TNRC18: variants seen among roughly 807,000 people sequenced by gnomAD.
The protein encoded by TNRC18 is trinucleotide repeat containing 18.
TNRC18 carries 69 observed loss-of-function variants against 226.7 expected under a neutral mutation model. The ratio of observed to expected loss-of-function variants is 0.30; its 90% CI spans 0.25 to 0.37. The LOEUF is 0.37. Ranked by LOEUF, TNRC18 falls within the 10% of genes least tolerant of loss-of-function variation. TNRC18 has a pLI of 1.00. For synonymous variants in TNRC18, 2,449 were observed against 1,927.6 expected (o/e 1.27, Z -7.09); for missense variants, 4,754 against 4,256.6 (o/e 1.12, Z -3.25).
In TNRC18 at chr7:5,324,573, C is replaced by T. The variant is rs568473470; in HGVS notation, c.6301-218G>A. Among the ~76,000 whole-genome samples the T allele has an allele frequency of 1.3e-5, 2 of 152,338 alleles. No individual in the cohort carries two copies. The highest frequency in any genetic ancestry group is 3.9e-4 in the East Asian group (2 of 5,192). On this transcript the variant is annotated intron_variant, in intron 20 of 29. Coordinates refer to ENST00000430969, the MANE Select transcript of TNRC18 (RefSeq NM_001080495.3). The surrounding 1 kb of genome is among the most constrained non-coding windows in gnomAD (Gnocchi z 4.8). ...CATGCTCAGTACTCGGTGCTCAATA[C>T]TCAGTACTCTGTGCTCAGTATCAGC...
In TNRC18 at chr7:5,313,100, G is replaced by A. The variant is rs114222264; in HGVS notation, c.7791C>T (p.Thr2597=). 6.4e-3 allele frequency: 8,940 copies of A among 1,392,836 alleles called. 442 individuals carry two copies. The African/African-American group carries it at 0.11, about 17-fold the overall frequency. The allele number at this position is 1,392,836 out of a possible 1,614,324, so 86.3% of individuals were successfully genotyped here. Residue 2597 remains threonine, a synonymous_variant, in exon 27 of 30, where the codon ACC becomes ACT. Coordinates refer to ENST00000430969, the MANE Select transcript of TNRC18 (RefSeq NM_001080495.3). The part of the protein sequence containing the change: ...GDKNGDGGCG[T]GGRNCSAASS... ...TGGCAGCGCTGCAGTTACGGCCCCC[G>A]GTGCCGCAGCCCCCGTCCCCGTTCT...
chr7:5,308,826 G>C, intron 29 of TNRC18, 49 bp downstream of exon 29: 2 of 1,536,454 alleles, frequency 1.3e-6, no homozygotes, highest in Non-Finnish European at 1.8e-6. Context: ...CTGCCCGGAA[G>C]GAAGCAGCCA....
chr7:5,374,584 G>C, intron 9 of TNRC18, 100 bp from the exon 10 acceptor site: 1 of 1,273,752 alleles, frequency 7.9e-7, no homozygotes, highest in Non-Finnish European at 1.0e-6. Flanking sequence ...AGTCCGAGGA[G>C]AACCTCATGC....
chr7:5,359,579 A>G lies in TNRC18; in HGVS notation c.4662-10T>C. 2 of 1,613,446 alleles carry G rather than the reference A, an allele frequency of 1.2e-6. No individual in the cohort carries two copies. Among genetic ancestry groups the G allele is most frequent in the African/African-American group, 2.7e-5 (2 of 75,020 alleles). ...AGACTTGCTGCTCAGCCTGAAACGC[A>G]GACACACTGCCGGTCAGCACCCTGG... is the stretch of plus-strand genomic sequence containing the variant. On this transcript the variant is annotated splice_polypyrimidine_tract_variant and intron_variant, in intron 14 of 29. Transcript: ENST00000430969.
intron 18 of TNRC18, among the ~76,000 whole-genome samples, chr7:5,339,042 A>G (rs1387936189): frequency 6.6e-6 from 1 of 151,638 alleles, no homozygotes; most frequent in Non-Finnish European, 1.5e-5. Flanking sequence ...TCACACCTGT[A>G]GTCCCAGCAC....
Position 5,389,089 on chromosome 7 carries a change from C to G in TNRC18, c.735G>C (p.Ala245=), listed in dbSNP as rs1331439499. 4.6e-6 allele frequency: 6 copies of G among 1,291,488 alleles called. No homozygotes were observed. Among genetic ancestry groups the G allele is most frequent in the Non-Finnish European group, 5.9e-6 (6 of 1,014,440 alleles). The allele number at this position is 1,291,488 out of a possible 1,614,324, so 80.0% of individuals were successfully genotyped here. ...CCCGGTCCTGGCGGCCCTCGGCGCG[C>G]GCCTCCTGGGTCAGGTCCACCACGC... The part of the protein sequence containing the change: ...PRGVVDLTQE[A]RAEGRQDRGP... The change falls in exon 5 of 30, where the codon GCG becomes GCC. Residue 245 remains alanine, a synonymous_variant. Coordinates refer to ENST00000430969, the MANE Select transcript of TNRC18 (RefSeq NM_001080495.3).
intron 17 of TNRC18, among the ~76,000 whole-genome samples, chr7:5,348,079 C>T (rs570192713): frequency 6.6e-5 from 10 of 152,332 alleles, no homozygotes; most frequent in East Asian, 5.8e-4. Flanking sequence ...CTGCAGTCCC[C>T]GGAGCCCAGC....
At position 5,381,747 on chromosome 7, in the gene TNRC18, C is replaced by A. The variant is rs10258325; in HGVS notation, c.2153-3723G>T. On this transcript the variant is annotated intron_variant, in intron 5 of 29. Coordinates refer to ENST00000430969, the MANE Select transcript of TNRC18 (RefSeq NM_001080495.3). The stretch of plus-strand genomic sequence containing the variant: ...TTGGGAGGCCAAGGTGGGCAGACCA[C>A]CCAAGGTCAGGAGTTCAAGACCAGC... 3.3e-3 allele frequency among the ~76,000 whole-genome samples: 498 copies of A among 152,306 alleles called. 1 individual carries two copies. The highest frequency in any genetic ancestry group is 0.012 in the African/African-American group (479 of 41,570).
chr7:5,379,975 C>T (rs773643926), intron 5 of TNRC18, among the ~76,000 whole-genome samples: 1 of 152,214 alleles, frequency 6.6e-6, no homozygotes, highest in African/African-American at 2.4e-5. Context: ...GTCAGGGGAT[C>T]AGCCGCCAGC....
At chr7:5,308,793 T>A (rs745330364) in intron 29 of TNRC18, 82 bp downstream of exon 29, 221 of 1,465,690 alleles carry the variant, frequency 1.5e-4, no homozygotes, top group Non-Finnish European at 1.8e-4. Context: ...GAGCAGCAGA[T>A]GCTGAGCCGG....
intron 17 of TNRC18, among the ~76,000 whole-genome samples, 167 bp from the exon 18 acceptor site, chr7:5,345,977 C>T (rs534169672): frequency 3.3e-5 from 5 of 152,180 alleles, no homozygotes; most frequent in Non-Finnish European, 5.9e-5. Context: ...TCCCCCCATC[C>T]GATGGCCCAA....
At chr7:5,333,972 C>G (rs1789823035) in intron 18 of TNRC18, among the ~76,000 whole-genome samples, 1 of 152,228 alleles carries the variant, frequency 6.6e-6, no homozygotes, top group African/African-American at 2.4e-5. Context: ...CAGGTCAGAG[C>G]TGGTGTCCAG....
rs753224259 is a variant in TNRC18 at position 5,378,016 on chromosome 7, G to A, written c.2161C>T (p.Arg721Ter). The stretch of plus-strand genomic sequence containing the variant: ...TCGTCCACACAGTCCTCATCTGCTC[G>A]GCCGTGCCCTGCAGGGGGCCAGGTG... ...LSLSNVKGHG[R>*]ADEDCVDDRA... Residue 721 changes from arginine (R) to a stop codon, truncating the protein, a stop_gained, in exon 6 of 30, where the codon CGA (arginine) becomes TGA (stop). Coordinates refer to ENST00000430969, the MANE Select transcript of TNRC18 (RefSeq NM_001080495.3). LOFTEE classifies it high-confidence loss of function. 1 of 1,610,416 alleles carries A rather than the reference G, an allele frequency of 6.2e-7. No individual in the cohort carries two copies. The highest frequency in any genetic ancestry group is 8.5e-7 in the Non-Finnish European group (1 of 1,179,512).
chr7:5,387,617 A>C, intron 5 of TNRC18, 55 bp downstream of exon 5: 1 of 1,592,908 alleles, frequency 6.3e-7, no homozygotes, highest in African/African-American at 1.3e-5. Context: ...AATGTACGGG[A>C]AACGGCAGAG....
rs531603797 is a variant in TNRC18, at chr7:5,338,217, G to A, written c.5720-5168C>T. Among the ~76,000 whole-genome samples, 270 of 152,070 alleles carry A rather than the reference G, an allele frequency of 1.8e-3. 1 individual carries two copies. The highest frequency in any genetic ancestry group is 6.1e-3 in the African/African-American group (251 of 41,486). ...AAAATGATACTGAGAAAGCTAACAG[G>A]AAAATTAAAATGGAATTCTTAAACA... On this transcript the variant is annotated intron_variant, in intron 18 of 29. Transcript: ENST00000430969.
At chr7:5,344,701 A>T (rs1445937482) in intron 18 of TNRC18, among the ~76,000 whole-genome samples, 1 of 152,170 alleles carries the variant, frequency 6.6e-6, no homozygotes, top group East Asian at 1.9e-4. Context: ...GGGGGTCAGA[A>T]GGACCCTCCC....
Position 5,307,806 on chromosome 7 carries a change from A to G in TNRC18, c.*300T>C, listed in dbSNP as rs549596054. 9 of 454,770 alleles carry G rather than the reference A, an allele frequency of 2.0e-5. 1 individual carries two copies. The Admixed American group carries it at 2.5e-4, about 13-fold the overall frequency. 28.2% of individuals were successfully genotyped at this position (454,770 alleles called of 1,614,324 possible). ...GCAGCCTGGAGGGCCGGCCTGGCCA[A>G]GTGCTTGCAACGTGCTGGGCAGGAA... On this transcript the variant is annotated 3_prime_UTR_variant, in exon 30 of 30. Coordinates refer to ENST00000430969, the MANE Select transcript of TNRC18 (RefSeq NM_001080495.3).
Position 5,312,900 on chromosome 7 carries a change from G to A in TNRC18, c.7991C>T (p.Ser2664Phe), listed in dbSNP as rs1166519481. 3 of 1,511,566 alleles carry A rather than the reference G, an allele frequency of 2.0e-6. No individual in the cohort carries two copies. The highest frequency in any genetic ancestry group is 2.4e-5 in the East Asian group (1 of 41,198). The allele number at this position is 1,511,566 out of a possible 1,614,324, so 93.6% of individuals were successfully genotyped here. ...SSSSSSSSSS[S>F]SSSSSSSTTD... ...GGTGGAGGAAGAAGAGGAGGAAGAG[G>A]AGGAGGAGGAGGAGGATGAGGACGA... is the stretch of plus-strand genomic sequence containing the variant. Residue 2664 changes from serine (S) to phenylalanine (F), a missense_variant, in exon 27 of 30, where the codon TCC becomes TTC. By Grantham distance (155) the Ser-to-Phe change is radical. Coordinates refer to ENST00000430969, the MANE Select transcript of TNRC18 (RefSeq NM_001080495.3). This position sits in a 1 kb window ranked among gnomAD's most constrained non-coding sequence, Gnocchi z 6.3.
chr7:5,312,474 C>T lies in TNRC18; in HGVS notation c.8388+29G>A, dbSNP rs561800921. On this transcript the variant is annotated intron_variant, in intron 27 of 29. Coordinates refer to ENST00000430969, the MANE Select transcript of TNRC18 (RefSeq NM_001080495.3). This position sits in a 1 kb window ranked among gnomAD's most constrained non-coding sequence, Gnocchi z 6.3. ...GAGAGACACAAGGCCCCCGGCCCCT[C>T]GGCCGTGCCCGGGCGCGAGCTTGCT... 7.5e-6 allele frequency: 12 copies of T among 1,604,148 alleles called. No homozygotes were observed. Among genetic ancestry groups the T allele is most frequent in the East Asian group, 2.2e-5 (1 of 44,756 alleles).
Sources: gnomAD v4.1 joint callset for allele counts (sites outside exome capture counted in the v4.1 genomes callset) on GRCh38, gnomAD v4.1.1 for gene constraint, Gnocchi (gnomAD v3.1) non-coding constraint, MANE v1.5 for transcripts, NCBI Gene and HGNC (gene_info 2026-07-23, HGNC 2026-07-21) for gene names.